Variants in DLG2 observed in about 807,000 individuals in gnomAD.
DLG2 encodes the protein discs large MAGUK scaffold protein 2.
Under a neutral mutation model 132.5 loss-of-function variants are expected in DLG2, and 45 were observed. The observed-to-expected ratio is 0.34, with a 90% CI of 0.27 to 0.44. The LOEUF is 0.44. DLG2 is among the 20% of genes least tolerant of loss of function. The pLI, the probability that DLG2 is intolerant of heterozygous loss-of-function variation, is 1.00. For synonymous variants in DLG2, 424 were observed against 419.6 expected (o/e 1.01, Z -0.13); for missense variants, 1,045 against 1,196.9 (o/e 0.87, Z 1.87).
At chr11:84,826,749 T>C (rs1229511185) in intron 6 of DLG2, among the ~76,000 whole-genome samples, 1 of 151,728 alleles carries the variant, frequency 6.6e-6, no homozygotes, top group African/African-American at 2.4e-5. Context: ...CCATGTTTTC[T>C]AACCAGGACA....
At chr11:85,056,527 C>T (rs17147933) in intron 6 of DLG2, among the ~76,000 whole-genome samples, 5,378 of 151,824 alleles carry the variant, frequency 0.035, 129 homozygotes, top group African/African-American at 0.057. Flanking sequence ...ATACAAATAA[C>T]GAAGTGTGTG....
intron 11 of DLG2, among the ~76,000 whole-genome samples, chr11:84,037,258 C>A (rs901152500): frequency 1.3e-5 from 2 of 152,104 alleles, no homozygotes; most frequent in Non-Finnish European, 2.9e-5. Flanking sequence ...AAATTATGCA[C>A]CTTTTGTTCT....
chr11:85,196,131 T>C (rs1406338687), intron 4 of DLG2, among the ~76,000 whole-genome samples: 1 of 152,210 alleles, frequency 6.6e-6, no homozygotes, highest in African/African-American at 2.4e-5. Flanking sequence ...CTTTTGACCA[T>C]AAAGTTGTTG....
chr11:84,713,721 C>T (rs1189170889), intron 6 of DLG2, among the ~76,000 whole-genome samples: 1 of 152,024 alleles, frequency 6.6e-6, no homozygotes. Context: ...AAAATAAATG[C>T]AGAAATACCC....
chr11:84,394,700 C>CT (rs56114830), intron 7 of DLG2, among the ~76,000 whole-genome samples: 63,447 of 151,892 alleles, frequency 0.42, 17,686 homozygotes, highest in African/African-American at 0.8. Flanking sequence ...GTGATCTCAG[C>CT]TACCTCTGCC....
intron 7 of DLG2, among the ~76,000 whole-genome samples, chr11:84,523,150 A>G (rs1281728262): frequency 6.6e-6 from 1 of 152,196 alleles, no homozygotes; most frequent in Non-Finnish European, 1.5e-5. Context: ...AACTAATCTT[A>G]AATTTAGATT....
chr11:84,321,755 T>G (rs1468750794), intron 7 of DLG2, among the ~76,000 whole-genome samples: 1 of 152,162 alleles, frequency 6.6e-6, no homozygotes, highest in Non-Finnish European at 1.5e-5. Flanking sequence ...AAAATAAAGC[T>G]TCTAGTCTTT....
At chr11:84,687,541 C>T (rs1168200210) in intron 6 of DLG2, among the ~76,000 whole-genome samples, 1 of 152,108 alleles carries the variant, frequency 6.6e-6, no homozygotes, top group Non-Finnish European at 1.5e-5. Context: ...TGTCTTTCCT[C>T]CAGTCTATGC....
At chr11:84,600,246 A>AGCAAGCAC (rs61316133) in intron 6 of DLG2, among the ~76,000 whole-genome samples, 1 of 150,612 alleles carries the variant, frequency 6.6e-6, no homozygotes, top group East Asian at 2.0e-4. Flanking sequence ...CAGAAAAGCA[A>AGCAAGCAC]GCAAGCAAGC....
intron 17 of DLG2, among the ~76,000 whole-genome samples, chr11:83,808,055 T>G (rs760747334): frequency 3.3e-5 from 5 of 152,058 alleles, no homozygotes; most frequent in African/African-American, 4.8e-5. Flanking sequence ...CCCCATAATA[T>G]CACATGCCTT....
At chr11:83,721,660 G>T (rs986666249) in intron 18 of DLG2, among the ~76,000 whole-genome samples, 2 of 152,116 alleles carry the variant, frequency 1.3e-5, no homozygotes, top group Non-Finnish European at 2.9e-5. Flanking sequence ...AGCACAGCAA[G>T]AAAACAAAAA....
intron 3 of DLG2, among the ~76,000 whole-genome samples, chr11:85,552,227 G>A (rs1199151237): frequency 6.6e-6 from 1 of 151,376 alleles, no homozygotes; most frequent in African/African-American, 2.4e-5. Context: ...CTCACAACGA[G>A]TGGTGCTACA....
chr11:84,807,382 G>A (rs2076116588), intron 6 of DLG2, among the ~76,000 whole-genome samples: 1 of 152,134 alleles, frequency 6.6e-6, no homozygotes, highest in Admixed American at 6.5e-5. Context: ...GGAGGCAGAT[G>A]TTGCAGTGAG....
intron 7 of DLG2, chr11:84,272,329 T>C: frequency 2.4e-6 from 1 of 421,276 alleles, no homozygotes; most frequent in South Asian, 1.7e-5. Context: ...CTCTTGAGTT[T>C]CTATGTCAGA....
chr11:85,340,965 T>C (rs907635048), intron 3 of DLG2, among the ~76,000 whole-genome samples: 2 of 152,236 alleles, frequency 1.3e-5, no homozygotes, highest in African/African-American at 4.8e-5. Flanking sequence ...TCTAATTTTA[T>C]CTTTTTCAAA....
intron 5 of DLG2, among the ~76,000 whole-genome samples, chr11:85,137,109 G>A (rs1008631622): frequency 1.3e-4 from 20 of 151,956 alleles, no homozygotes; most frequent in African/African-American, 4.4e-4. Flanking sequence ...GATGTAAGAA[G>A]GTATGGTTTA....
intron 18 of DLG2, among the ~76,000 whole-genome samples, chr11:83,710,122 T>C (rs1432851178): frequency 6.6e-6 from 1 of 151,744 alleles, no homozygotes; most frequent in East Asian, 1.9e-4. Flanking sequence ...ATTTAACACA[T>C]GTGAAATGTG....
Position 85,398,570 on chromosome 11 carries a change from G to C in DLG2, c.41-113205C>G, listed in dbSNP as rs554694043. Among the ~76,000 whole-genome samples, 3 of 152,138 alleles carry C rather than the reference G, an allele frequency of 2.0e-5. No homozygotes were observed. In the East Asian group the frequency reaches 5.8e-4, roughly 29 times the overall value. On this transcript the variant is annotated intron_variant, in intron 3 of 27. Transcript: ENST00000376104. ...GAAGAAAAGAGAAAAGAATCAAATA[G>C]ATGCAATAAAAAATGATAAAGGGGA...
chr11:84,234,145 G>A (rs536324756), intron 8 of DLG2, among the ~76,000 whole-genome samples: 44 of 152,254 alleles, frequency 2.9e-4, no homozygotes, highest in African/African-American at 8.4e-4. Context: ...AGCCCACCCC[G>A]AGGGAAGAAT....
Sources: allele counts gnomAD v4.1 joint callset (sites outside exome capture counted in the v4.1 genomes callset), GRCh38; gene constraint gnomAD v4.1.1; transcripts MANE v1.5; gene names NCBI Gene and HGNC (gene_info 2026-07-23, HGNC 2026-07-21).